Variants in VAV3 observed in about 807,000 individuals in gnomAD.
VAV3 encodes guanine nucleotide exchange factor VAV3.
VAV3 carries 94 observed loss-of-function variants against 131.2 expected under a neutral mutation model. The observed-to-expected ratio is 0.72, with a 90% CI of 0.61 to 0.85. VAV3 has a LOEUF of 0.85. Among genes scored for constraint, VAV3 ranks in the 40% least tolerant of loss-of-function variants. The pLI is 0.00. For synonymous variants in VAV3, 349 were observed against 342.0 expected, an observed-to-expected ratio of 1.02 and a Z score of -0.22; for missense variants, 939 against 1,002.7, an observed-to-expected ratio of 0.94 and a Z score of 0.86.
chr1:107,722,174 C>T (rs1345100460), intron 15 of VAV3, among the ~76,000 whole-genome samples: 1 of 152,202 alleles, frequency 6.6e-6, no homozygotes. Context: ...AACACAGCCT[C>T]ATTCTCCACT....
At chr1:107,784,217 C>T (rs1428863493) in intron 2 of VAV3, among the ~76,000 whole-genome samples, 2 of 152,044 alleles carry the variant, frequency 1.3e-5, no homozygotes, top group Non-Finnish European at 2.9e-5. Flanking sequence ...CAGAGTTTTT[C>T]TTTTTTCCTT....
intron 2 of VAV3, among the ~76,000 whole-genome samples, chr1:107,800,142 C>T (rs1348594777): frequency 1.3e-5 from 2 of 152,114 alleles, no homozygotes; most frequent in Admixed American, 6.5e-5. Flanking sequence ...AATAGTGCTA[C>T]ACTAAACATG....
chr1:107,855,187 A>C (rs1000596163), intron 2 of VAV3, among the ~76,000 whole-genome samples: 10 of 152,232 alleles, frequency 6.6e-5, no homozygotes, highest in African/African-American at 2.4e-4. Flanking sequence ...TATGTACCCC[A>C]AAACAAGAAG....
intron 1 of VAV3, among the ~76,000 whole-genome samples, chr1:107,934,068 G>T (rs1048877944): frequency 6.6e-6 from 1 of 152,110 alleles, no homozygotes; most frequent in Non-Finnish European, 1.5e-5. Context: ...TACTCAAAAA[G>T]CTGTTTAATT....
intron 1 of VAV3, among the ~76,000 whole-genome samples, chr1:107,909,838 A>T (rs1162864631): frequency 2.0e-5 from 3 of 152,228 alleles, no homozygotes; most frequent in Admixed American, 2.0e-4. Flanking sequence ...CTTTCTAATC[A>T]GTGAAGAATA....
Position 107,573,346 on chromosome 1 carries a change from CACATATG to C in VAV3, c.2522_2528del (p.Thr841ArgfsTer32), listed in dbSNP as rs772617810. The C allele has an allele frequency of 2.5e-6, 4 of 1,614,082 alleles. No individual in the cohort carries two copies. The highest frequency in any genetic ancestry group is 3.4e-6 in the Non-Finnish European group (4 of 1,179,996). The stretch of plus-strand genomic sequence containing the variant: ...GGATTTGAATTTATTCATCCTCTTC[CACATATG>C]TGGATGGAAACCAGCCCACCTAAAA... On this transcript the variant is annotated frameshift_variant, in exon 27 of 27. Transcript: ENST00000370056. LOFTEE classifies it high-confidence loss of function.
intron 25 of VAV3, among the ~76,000 whole-genome samples, chr1:107,592,166 A>G (rs1047357503): frequency 2.7e-4 from 41 of 152,170 alleles, no homozygotes; most frequent in African/African-American, 9.4e-4. Context: ...CTTTAATCTG[A>G]AACAGTTCCT....
chr1:107,786,009 T>C (rs1278873943), intron 2 of VAV3, among the ~76,000 whole-genome samples: 1 of 152,214 alleles, frequency 6.6e-6, no homozygotes, highest in African/African-American at 2.4e-5. Flanking sequence ...ATCTTAGGGA[T>C]TTCCTGAAGC....
chr1:107,801,947 CT>C (rs1294173066), intron 2 of VAV3, among the ~76,000 whole-genome samples: 3 of 151,564 alleles, frequency 2.0e-5, no homozygotes, highest in South Asian at 2.1e-4. Flanking sequence ...TTATGTGTTT[CT>C]TTTTTTTATT....
chr1:107,649,162 C>G (rs1655964024), intron 19 of VAV3, among the ~76,000 whole-genome samples: 1 of 152,018 alleles, frequency 6.6e-6, no homozygotes, highest in Non-Finnish European at 1.5e-5. Flanking sequence ...GAGTTAGCAG[C>G]CACAGGGAGT....
Position 107,630,216 on chromosome 1 carries a change from G to A in VAV3, c.1914+12403C>T, listed in dbSNP as rs548586133. Among the ~76,000 whole-genome samples the A allele has an allele frequency of 3.3e-5, 5 of 152,226 alleles. No individual in the cohort carries two copies. In the East Asian group the frequency reaches 9.6e-4, roughly 29 times the overall value. ...TTCTGATCATTCCTTACATCATGGA[G>A]GCCTCCAGGTTAGAAACGGGTTCTC... On this transcript the variant is annotated intron_variant, in intron 20 of 26. Transcript: ENST00000370056.
chr1:107,729,118 T>C (rs1662058898), intron 15 of VAV3, among the ~76,000 whole-genome samples: 1 of 152,248 alleles, frequency 6.6e-6, no homozygotes, highest in Non-Finnish European at 1.5e-5. Flanking sequence ...ACCTCAGGTA[T>C]ATTTTGTTAT....
At position 107,773,493 on chromosome 1, in the gene VAV3, C is replaced by A. The variant is rs184793345; in HGVS notation, c.447-650G>T. 4.7e-3 allele frequency among the ~76,000 whole-genome samples: 716 copies of A among 152,276 alleles called. 1 individual carries two copies. The highest frequency in any genetic ancestry group is 8.8e-3 in the Non-Finnish European group (601 of 68,018). ...TCTTTCAAGCCCATTCAGAGGAAAC[C>A]CACCAGTCCCCCATCAACCAGACCC... On this transcript the variant is annotated intron_variant, in intron 4 of 26. Coordinates refer to ENST00000370056, the MANE Select transcript of VAV3 (RefSeq NM_006113.5).
intron 2 of VAV3, among the ~76,000 whole-genome samples, chr1:107,855,271 CTATT>C (rs1397710045): frequency 6.6e-6 from 1 of 151,896 alleles, no homozygotes; most frequent in Non-Finnish European, 1.5e-5. Context: ...GTATTTAACT[CTATT>C]TATTTTATTT....
chr1:107,801,509 T>C (rs953007051), intron 2 of VAV3, among the ~76,000 whole-genome samples: 6 of 152,152 alleles, frequency 3.9e-5, no homozygotes, highest in Admixed American at 2.0e-4. Context: ...AATAGGTAGA[T>C]GAGATGGAAA....
Position 107,772,842 on chromosome 1 carries a change from C to T in VAV3, c.448G>A (p.Glu150Lys). ...TCTTCTTCATCTTCCACAAGGGTTTCACTACAACAAAGGATATCATATAAG... is the reference window on the plus strand; with the variant it reads ...TCTTCTTCATCTTCCACAAGGGTTTTACTACAACAAAGGATATCATATAAG... ...IYKGLPDLID[E>K]TLVEDEEDLY... is the part of the protein sequence containing the mutation. The change falls in exon 5 of 27, where the codon GAA (glutamate) becomes AAA (lysine). Residue 150 changes from glutamate (E) to lysine (K), a missense_variant and splice_region_variant. Glu to Lys is a moderately conservative substitution (Grantham distance 56). Coordinates refer to ENST00000370056, the MANE Select transcript of VAV3 (RefSeq NM_006113.5). The T allele has an allele frequency of 6.2e-7, 1 of 1,612,296 alleles. No homozygotes were observed. Among genetic ancestry groups the T allele is most frequent in the Non-Finnish European group, 8.5e-7 (1 of 1,179,012 alleles).
chr1:107,935,542 T>A (rs1409877521), intron 1 of VAV3, among the ~76,000 whole-genome samples: 1 of 152,180 alleles, frequency 6.6e-6, no homozygotes, highest in Non-Finnish European at 1.5e-5. Flanking sequence ...TCCCTAAAAT[T>A]AGAAATAAGT....
In VAV3 at chr1:107,964,861, C is replaced by A. The variant is rs142499589; in HGVS notation, c.9G>T (p.Pro3=). The A allele has an allele frequency of 1.7e-5, 27 of 1,599,366 alleles. No homozygotes were observed. The highest frequency in any genetic ancestry group is 2.0e-5 in the Non-Finnish European group (24 of 1,172,862). ME[P]WKQCAQWLIH... ...TGAGCCACTGCGCGCACTGCTTCCA[C>A]GGCTCCATGCCCGACGGCTCCGGGA... The change falls in exon 1 of 27, where the codon CCG becomes CCT. Residue 3 remains proline (P), a synonymous_variant. Coordinates refer to ENST00000370056, the MANE Select transcript of VAV3 (RefSeq NM_006113.5).
At chr1:107,610,977 G>T (rs923614825) in intron 21 of VAV3, among the ~76,000 whole-genome samples, 13 of 152,268 alleles carry the variant, frequency 8.5e-5, no homozygotes, top group African/African-American at 3.1e-4. Flanking sequence ...CTCTAGCCAT[G>T]CTGGTCTTCA....
Sources: allele counts gnomAD v4.1 joint callset (sites outside exome capture counted in the v4.1 genomes callset), GRCh38; gene constraint gnomAD v4.1.1; transcripts MANE v1.5; gene names NCBI Gene and HGNC (gene_info 2026-07-23, HGNC 2026-07-21).